The following CCDC171 variants were observed in gnomAD, a reference collection of about 807,000 sequenced individuals.
The protein encoded by CCDC171 is coiled-coil domain containing 171.
Under a neutral mutation model 168.2 loss-of-function variants are expected in CCDC171, and 177 were observed. That is an observed-to-expected ratio of 1.05 (90% CI 0.93 to 1.19). The LOEUF is 1.19. Among genes scored for constraint, CCDC171 ranks in the 50% most tolerant of loss-of-function variants. CCDC171 has a pLI of 0.00. For missense variants in CCDC171, 1,991 were observed against 1,539.0 expected (o/e 1.29, Z -4.91); for synonymous variants, 687 against 540.8 (o/e 1.27, Z -3.75).
intron 3 of CCDC171, among the ~76,000 whole-genome samples, chr9:15,979,097 A>G (rs1329996059): frequency 6.6e-6 from 1 of 152,180 alleles, no homozygotes; most frequent in Admixed American, 6.5e-5. Flanking sequence ...ATAATATTCC[A>G]CTATATGAAT....
In CCDC171 at chr9:15,697,356, C is replaced by T. The variant is rs529396658; in HGVS notation, c.1318+2019C>T. 7.9e-5 allele frequency among the ~76,000 whole-genome samples: 12 copies of T among 152,300 alleles called. No homozygotes were observed. The South Asian group carries it at 2.3e-3, about 29-fold the overall frequency. On this transcript the variant is annotated intron_variant, in intron 11 of 25. Coordinates refer to ENST00000380701, the MANE Select transcript of CCDC171 (RefSeq NM_173550.4). ...CTCTTGCTTGCTTTTGGTGCCTCAT[C>T]ATACCTTTTGGGATCTGTTAACCTG... is the stretch of plus-strand genomic sequence containing the variant.
intron 8 of CCDC171, among the ~76,000 whole-genome samples, chr9:15,661,112 C>G (rs2048283542): frequency 6.6e-6 from 1 of 152,102 alleles, no homozygotes; most frequent in Non-Finnish European, 1.5e-5. Context: ...AACCCCATCC[C>G]TACTAAAAAT....
intron 21 of CCDC171, chr9:15,845,574 T>C (rs372820038): frequency 6.6e-6 from 1 of 152,150 alleles, no homozygotes; most frequent in East Asian, 1.9e-4. Context: ...GTGAATGCAC[T>C]AAAAGAATAC....
At chr9:15,690,398 T>C (rs1356741597) in intron 10 of CCDC171, among the ~76,000 whole-genome samples, 1 of 152,204 alleles carries the variant, frequency 6.6e-6, no homozygotes, top group Non-Finnish European at 1.5e-5. Context: ...TATGAGAATT[T>C]AGTATATGAT....
intron 9 of CCDC171, among the ~76,000 whole-genome samples, chr9:15,668,305 T>A (rs960386613): frequency 2.0e-5 from 3 of 152,214 alleles, no homozygotes; most frequent in Admixed American, 1.3e-4. Flanking sequence ...ACTTAAGCTC[T>A]GAGTCTAACC....
intron 18 of CCDC171, among the ~76,000 whole-genome samples, chr9:15,758,698 G>A (rs2056275728): frequency 6.6e-6 from 1 of 152,148 alleles, no homozygotes; most frequent in African/African-American, 2.4e-5. Flanking sequence ...TGTGTTGTGG[G>A]AGGGACCCAG....
At chr9:15,879,346 CAT>C (rs1410623527) in intron 24 of CCDC171, among the ~76,000 whole-genome samples, 1 of 151,986 alleles carries the variant, frequency 6.6e-6, no homozygotes, top group African/African-American at 2.4e-5. Context: ...TTTGGAGGCA[CAT>C]GTGATATTTT....
chr9:16,092,093 A>T, the CCDC171 span, among the ~76,000 whole-genome samples: 1 of 152,164 alleles, frequency 6.6e-6, no homozygotes, highest in South Asian at 2.1e-4. Flanking sequence ...GCTCTGTGCT[A>T]CTTTTCTCCA....
At chr9:15,721,710 C>A in intron 11 of CCDC171, 59 bp from the exon 12 acceptor site, 2 of 872,034 alleles carry the variant, frequency 2.3e-6, no homozygotes, top group Non-Finnish European at 3.4e-6. Flanking sequence ...TTACTATTTG[C>A]CTAAGTTTTG....
chr9:15,860,572 C>G (rs540776823), intron 23 of CCDC171, among the ~76,000 whole-genome samples: 3 of 151,842 alleles, frequency 2.0e-5, no homozygotes, highest in Non-Finnish European at 4.4e-5. Context: ...AGTTTTTCTT[C>G]TATACTTTGT....
intron 11 of CCDC171, among the ~76,000 whole-genome samples, chr9:15,717,447 C>T (rs190632771): frequency 2.5e-3 from 386 of 152,280 alleles, no homozygotes; most frequent in Non-Finnish European, 4.6e-3. Context: ...TAGTGCTGTG[C>T]TGGGCTCGGA....
At chr9:15,600,393 G>C (rs1440847441) in intron 6 of CCDC171, among the ~76,000 whole-genome samples, 1 of 152,146 alleles carries the variant, frequency 6.6e-6, no homozygotes, top group Non-Finnish European at 1.5e-5. Context: ...GAGTTTGCTG[G>C]AGGTCCACTC....
At chr9:15,902,254 ATATATATG>A (rs71325947) in intron 24 of CCDC171, among the ~76,000 whole-genome samples, 3,586 of 143,296 alleles carry the variant, frequency 0.025, 66 homozygotes, top group African/African-American at 0.052. Flanking sequence ...TCATATATAT[ATATATATG>A]TATATATATA....
chr9:15,735,195 T>C (rs960009359), intron 16 of CCDC171, among the ~76,000 whole-genome samples: 1 of 152,222 alleles, frequency 6.6e-6, no homozygotes, highest in Non-Finnish European at 1.5e-5. Context: ...TATCACAGCA[T>C]GTCTTTAGCA....
intron 21 of CCDC171, among the ~76,000 whole-genome samples, chr9:15,808,624 G>A (rs1031376604): frequency 2.0e-5 from 3 of 152,136 alleles, no homozygotes; most frequent in Non-Finnish European, 2.9e-5. Context: ...CAGAGAGCAG[G>A]GTGCCTCAGT....
At chr9:15,643,158 C>T (rs2046774386) in intron 7 of CCDC171, among the ~76,000 whole-genome samples, 3 of 151,662 alleles carry the variant, frequency 2.0e-5, no homozygotes, top group Admixed American at 2.0e-4. Flanking sequence ...GATTTTGGTC[C>T]TTTGCTAGCT....
At chr9:15,570,107 T>C (rs183732366) in intron 2 of CCDC171, among the ~76,000 whole-genome samples, 1 of 152,128 alleles carries the variant, frequency 6.6e-6, no homozygotes, top group African/African-American at 2.4e-5. Context: ...GTAGCTGGGA[T>C]TACAAGCATG....
chr9:15,580,700 G>A (rs1263762381), intron 4 of CCDC171, among the ~76,000 whole-genome samples: 1 of 152,122 alleles, frequency 6.6e-6, no homozygotes, highest in African/African-American at 2.4e-5. Context: ...ACTACTGCAA[G>A]AATGGCCATA....
chr9:15,990,070 A>G (rs930038340), intron 3 of CCDC171, among the ~76,000 whole-genome samples: 8 of 152,150 alleles, frequency 5.3e-5, no homozygotes, highest in Non-Finnish European at 1.5e-5. Flanking sequence ...TTCAGGAAAT[A>G]CAGAGAACAC....
Sources: allele counts gnomAD v4.1 joint callset (sites outside exome capture counted in the v4.1 genomes callset), GRCh38; gene constraint gnomAD v4.1.1; transcripts MANE v1.5; gene names NCBI Gene and HGNC (gene_info 2026-07-23, HGNC 2026-07-21).